PATJ: variants seen among roughly 807,000 people sequenced by gnomAD.
PATJ encodes the protein inaD-like protein.
PATJ carries 190 observed loss-of-function variants against 224.9 expected under a neutral mutation model. The observed-to-expected ratio is 0.84, with a 90% confidence interval of 0.75 to 0.95. The LOEUF is 0.95. Ranked by LOEUF, PATJ falls within the 40% of genes least tolerant of loss-of-function variation. PATJ has a pLI of 0.00. For synonymous variants in PATJ, 769 were observed against 820.3 expected (o/e 0.94, Z 1.07); for missense variants, 2,121 against 2,270.3 (o/e 0.93, Z 1.34).
rs1415203243 is a variant in PATJ, at chr1:61,777,703, C to CTTTCTTTTTTTTTTTTTTTTTTTTTTT, written c.849+2372_849+2373insCTTTTTTTTTTTTTTTTTTTTTTTTTT. 1.2e-4 allele frequency among the ~76,000 whole-genome samples: 6 copies of CTTTCTTTTTTTTTTTTTTTTTTTTTTT among 48,742 alleles called. 1 individual carries two copies. Among genetic ancestry groups the CTTTCTTTTTTTTTTTTTTTTTTTTTTT allele is most frequent in the African/African-American group, 6.4e-4 (6 of 9,390 alleles). The allele number at this position is 48,742 out of a possible 152,430, so 32.0% of individuals were successfully genotyped here. ...TTCTTCCTTTTTTCTTTCTTTCTTTCTTTTTTTTTTTTTTTTTTTTTTTTA... is the reference window on the plus strand; with the variant it reads ...TTCTTCCTTTTTTCTTTCTTTCTTTCTTTCTTTTTTTTTTTTTTTTTTTTTTTTTTTTTTTTTTTTTTTTTTTTTTTA... On this transcript the variant is annotated intron_variant, in intron 7 of 43. Coordinates refer to ENST00000642238, the MANE Select transcript of PATJ (RefSeq NM_001350145.3).
chr1:62,012,228 T>C (rs940352631), intron 28 of PATJ, among the ~76,000 whole-genome samples: 2 of 152,234 alleles, frequency 1.3e-5, no homozygotes, highest in Non-Finnish European at 2.9e-5. Context: ...ATTTTTTATG[T>C]GTACCATTCA....
chr1:61,849,047 A>C (rs114315451), intron 17 of PATJ, among the ~76,000 whole-genome samples: 1 of 152,208 alleles, frequency 6.6e-6, no homozygotes, highest in African/African-American at 2.4e-5. Flanking sequence ...ATAAAAATAC[A>C]TATCTGTGGA....
At chr1:61,910,504 A>G (rs1278923205) in intron 25 of PATJ, among the ~76,000 whole-genome samples, 2 of 72,976 alleles carry the variant, frequency 2.7e-5, no homozygotes, top group Admixed American at 1.4e-4. Flanking sequence ...GACTTGTTCC[A>G]TTTTCAACTT....
At chr1:61,991,142 C>T (rs1553233703) in intron 28 of PATJ, among the ~76,000 whole-genome samples, 2 of 151,912 alleles carry the variant, frequency 1.3e-5, no homozygotes, top group African/African-American at 2.4e-5. Flanking sequence ...AAGAAGAAAA[C>T]AGACGTGAAA....
intron 33 of PATJ, among the ~76,000 whole-genome samples, chr1:62,102,234 G>A (rs980426593): frequency 1.3e-5 from 2 of 151,790 alleles, no homozygotes; most frequent in African/African-American, 2.4e-5. Flanking sequence ...GGAAATCACT[G>A]GTCTTGTCTG....
chr1:61,961,788 G>A (rs921997371), intron 27 of PATJ, among the ~76,000 whole-genome samples: 4 of 151,926 alleles, frequency 2.6e-5, no homozygotes, highest in East Asian at 3.9e-4. Flanking sequence ...GACCAACATG[G>A]CGAAACCCCG....
At position 62,117,236 on chromosome 1, in the gene PATJ, A is replaced by G. The variant is rs1203430775; in HGVS notation, c.4890+18A>G. On this transcript the variant is annotated intron_variant, in intron 37 of 43. Coordinates refer to ENST00000642238, the MANE Select transcript of PATJ (RefSeq NM_001350145.3). ...ACAGTCAGGTTGTCGATGGCTTCTC[A>G]TCAGACTGACTCACTCTTCTGCCCC... 2 of 1,612,710 alleles carry G rather than the reference A, an allele frequency of 1.2e-6. No individual in the cohort carries two copies. The highest frequency in any genetic ancestry group is 2.2e-5 in the East Asian group (1 of 44,886).
At chr1:61,768,981 A>T (rs1041198861) in intron 4 of PATJ, among the ~76,000 whole-genome samples, 1 of 152,238 alleles carries the variant, frequency 6.6e-6, no homozygotes, top group Non-Finnish European at 1.5e-5. Flanking sequence ...TTCAGAATTT[A>T]CTATGGGAAA....
chr1:62,058,838 C>T (rs944391117), intron 31 of PATJ, among the ~76,000 whole-genome samples: 1 of 152,156 alleles, frequency 6.6e-6, no homozygotes, highest in Non-Finnish European at 1.5e-5. Context: ...CACACTTGGT[C>T]TAACGCAGAG....
intron 1 of PATJ, among the ~76,000 whole-genome samples, chr1:61,762,158 G>A (rs1315784985): frequency 6.6e-6 from 1 of 152,100 alleles, no homozygotes; most frequent in East Asian, 1.9e-4. Context: ...TTTGGGAGTA[G>A]CATGTTCTGA....
At chr1:61,960,630 T>G (rs1038848677) in intron 27 of PATJ, among the ~76,000 whole-genome samples, 2 of 144,646 alleles carry the variant, frequency 1.4e-5, no homozygotes, top group Non-Finnish European at 3.0e-5. Context: ...GCCATTGTAC[T>G]CCAGCCTGGG....
At chr1:62,123,330 C>G (rs557727023) in intron 39 of PATJ, among the ~76,000 whole-genome samples, 8 of 152,024 alleles carry the variant, frequency 5.3e-5, no homozygotes, top group African/African-American at 1.9e-4. Flanking sequence ...CAATCTTAGT[C>G]TTTTAACCTG....
intron 4 of PATJ, among the ~76,000 whole-genome samples, chr1:61,767,192 A>C (rs1237202264): frequency 1.3e-5 from 2 of 152,142 alleles, no homozygotes; most frequent in African/African-American, 4.8e-5. Flanking sequence ...AAACAATTAA[A>C]ATTTTGGACA....
rs1425776654 is a variant in PATJ at position 62,161,850 on chromosome 1, A to T, written c.*796A>T. 6.6e-6 allele frequency: 1 copy of T among 152,276 alleles called. No homozygotes were observed. The highest frequency in any genetic ancestry group is 1.5e-5 in the Non-Finnish European group (1 of 68,058). The allele number at this position is 152,276 out of a possible 1,614,324, so 9.4% of individuals were successfully genotyped here. A position where few individuals can be genotyped will look rare whatever the true frequency, so the allele number is the denominator to read the frequency against. On this transcript the variant is annotated 3_prime_UTR_variant, in exon 44 of 44. Transcript: ENST00000642238. ...CTAATTGTCTCTTCAAGTAAGCAAGAAAACATTAGCAGTGTAATTAATTTA... is the reference window on the plus strand; with the variant it reads ...CTAATTGTCTCTTCAAGTAAGCAAGTAAACATTAGCAGTGTAATTAATTTA...
At chr1:61,806,810 C>T (rs1393257171) in intron 13 of PATJ, among the ~76,000 whole-genome samples, 1 of 152,050 alleles carries the variant, frequency 6.6e-6, no homozygotes, top group Non-Finnish European at 1.5e-5. Flanking sequence ...TTTGCTGTAA[C>T]AGTATTTACA....
intron 27 of PATJ, among the ~76,000 whole-genome samples, chr1:61,945,182 A>C (rs1375641637): frequency 1.3e-5 from 2 of 152,216 alleles, no homozygotes; most frequent in Non-Finnish European, 2.9e-5. Flanking sequence ...CGAGCAAAAT[A>C]ACCAGCTAAC....
chr1:61,886,900 A>G (rs1668953243), intron 22 of PATJ, among the ~76,000 whole-genome samples: 1 of 150,274 alleles, frequency 6.7e-6, no homozygotes, highest in Non-Finnish European at 1.5e-5. Context: ...AGGACCGTTT[A>G]AGGCTGGAAG....
intron 29 of PATJ, among the ~76,000 whole-genome samples, chr1:62,029,608 G>T (rs1648804467): frequency 6.6e-6 from 1 of 152,116 alleles, no homozygotes; most frequent in Admixed American, 6.6e-5. Context: ...ACATATATGT[G>T]CATCCAAAAA....
At chr1:61,758,960 G>A (rs1645805970) in intron 1 of PATJ, among the ~76,000 whole-genome samples, 2 of 152,138 alleles carry the variant, frequency 1.3e-5, no homozygotes, top group South Asian at 2.1e-4. Flanking sequence ...CTGTTTTCCA[G>A]CTAGCCATGC....
Sources: allele counts gnomAD v4.1 joint callset (sites outside exome capture counted in the v4.1 genomes callset), GRCh38; gene constraint gnomAD v4.1.1; transcripts MANE v1.5; gene names NCBI Gene and HGNC (gene_info 2026-07-23, HGNC 2026-07-21).